TDRD12: variants seen among roughly 807,000 people sequenced by gnomAD.
TDRD12 encodes the protein putative ATP-dependent RNA helicase TDRD12.
Under a neutral mutation model 133.5 loss-of-function variants are expected in TDRD12, and 158 were observed. The observed-to-expected ratio is 1.18, with a 90% CI of 1.04 to 1.35. The LOEUF (loss-of-function observed/expected upper bound fraction) is 1.35. Among genes scored for constraint, TDRD12 ranks in the 40% most tolerant of loss-of-function variants. The pLI is 0.00. For missense variants in TDRD12, 1,443 were observed against 1,321.3 expected, an observed-to-expected ratio of 1.09 and a Z score of -1.43; for synonymous variants, 460 against 477.9, an observed-to-expected ratio of 0.96 and a Z score of 0.49.
intron 8 of TDRD12, among the ~76,000 whole-genome samples, chr19:32,771,997 A>G (rs570495193): frequency 1.8e-3 from 272 of 152,320 alleles, no homozygotes; most frequent in African/African-American, 6.2e-3. Flanking sequence ...CGGGTAAAAC[A>G]ACAGCCATTT....
intron 13 of TDRD12, among the ~76,000 whole-genome samples, chr19:32,792,707 G>A (rs762377091): frequency 6.6e-6 from 1 of 152,184 alleles, no homozygotes; most frequent in Admixed American, 6.5e-5. Context: ...AGAATTTCCA[G>A]ATTAAGAGGG....
intron 18 of TDRD12, 107 bp from the exon 19 acceptor site, chr19:32,801,649 C>A: frequency 2.5e-6 from 1 of 402,940 alleles, no homozygotes. Context: ...TGAGGTAGTG[C>A]CCTCACAGAT....
chr19:32,807,671 G>A, intron 22 of TDRD12, 23 bp downstream of exon 22: 1 of 1,455,292 alleles, frequency 6.9e-7, no homozygotes, highest in Non-Finnish European at 9.2e-7. Context: ...AAAGATGCTT[G>A]TGTCCTCTGA....
At chr19:32,798,170 A>G in intron 15 of TDRD12, 138 bp from the exon 16 acceptor site, 4 of 738,502 alleles carry the variant, frequency 5.4e-6, no homozygotes, top group Non-Finnish European at 6.5e-6. Flanking sequence ...GATGCTGGGC[A>G]TATGGGGTTG....
At position 32,818,175 on chromosome 19, in the gene TDRD12, A is replaced by G; in HGVS notation, c.3383+18A>G. 1 of 697,976 alleles carries G rather than the reference A, an allele frequency of 1.4e-6. No individual in the cohort carries two copies. Among genetic ancestry groups the G allele is most frequent in the Non-Finnish European group, 2.6e-6 (1 of 382,554 alleles). 43.2% of individuals were successfully genotyped at this position (697,976 alleles called of 1,614,324 possible). On this transcript the variant is annotated intron_variant, in intron 27 of 27. Coordinates refer to ENST00000444215, the Ensembl canonical transcript of TDRD12. ...GGGCAGGGGTGAGTAAGAACACCAC[A>G]GAGCTTCCTCCCAGAATGCCAGGGA... is the stretch of plus-strand genomic sequence containing the variant.
At chr19:32,808,732 A>C (rs1966900442) in intron 22 of TDRD12, among the ~76,000 whole-genome samples, 1 of 152,090 alleles carries the variant, frequency 6.6e-6, no homozygotes, top group South Asian at 2.1e-4. Flanking sequence ...AAAATTTCTA[A>C]CTCTTTCCTG....
chr19:32,814,236 A>G (rs1967101093), intron 25 of TDRD12, among the ~76,000 whole-genome samples: 2 of 150,908 alleles, frequency 1.3e-5, no homozygotes, highest in African/African-American at 4.9e-5. Context: ...GGAAAGGGGG[A>G]GGGGAGGACA....
At chr19:32,781,808 A>G (rs1331401084) in intron 11 of TDRD12, among the ~76,000 whole-genome samples, 1 of 151,502 alleles carries the variant, frequency 6.6e-6, no homozygotes, top group Non-Finnish European at 1.5e-5. Flanking sequence ...CATTCAGTGG[A>G]CACTTCCAGT....
rs944828270 is a variant in TDRD12 at position 32,807,644 on chromosome 19, TTAAAG to T, written c.2651_2652+3del. 2 of 1,522,710 alleles carry T rather than the reference TTAAAG, an allele frequency of 1.3e-6. No homozygotes were observed. The highest frequency in any genetic ancestry group is 2.8e-5 in the African/African-American group (2 of 72,356). The allele number at this position is 1,522,710 out of a possible 1,614,324, so 94.3% of individuals were successfully genotyped here. On this transcript the variant is annotated splice_donor_variant and coding_sequence_variant, in exon 22 of 28. Transcript: ENST00000444215. LOFTEE classifies it high-confidence loss of function. ...CAAGCCCTACCTTCATTTGGATACA[TTAAAG>T]TAGGTTTGGTTAAAGATGCTTGTGT...
intron 1 of TDRD12, among the ~76,000 whole-genome samples, chr19:32,726,080 A>G (rs544464868): frequency 1.2e-3 from 179 of 151,790 alleles, no homozygotes; most frequent in Middle Eastern, 3.4e-3. Context: ...AAATACATTC[A>G]TAATTTTTTT....
At chr19:32,818,892 G>A (rs1171342637) in intron 27 of TDRD12, among the ~76,000 whole-genome samples, 1 of 152,190 alleles carries the variant, frequency 6.6e-6, no homozygotes, top group Admixed American at 6.5e-5. Flanking sequence ...TGCTGGACTA[G>A]TGGGCTGCTG....
chr19:32,753,097 A>C (rs1418286692), intron 6 of TDRD12, among the ~76,000 whole-genome samples: 1 of 152,096 alleles, frequency 6.6e-6, no homozygotes, highest in African/African-American at 2.4e-5. Context: ...CGGCCACTGG[A>C]ATCAGCCACT....
chr19:32,787,389 TGAG>T (rs1429012584), intron 11 of TDRD12, among the ~76,000 whole-genome samples: 3 of 152,302 alleles, frequency 2.0e-5, no homozygotes, highest in East Asian at 1.9e-4. Context: ...GAGACCCACT[TGAG>T]GAGGCAGTCT....
chr19:32,785,254 A>G lies in TDRD12; in HGVS notation c.1122-5277A>G, dbSNP rs144522588. Among the ~76,000 whole-genome samples the G allele has an allele frequency of 4.4e-3, 676 of 152,284 alleles. 5 individuals carry two copies. The highest frequency in any genetic ancestry group is 0.015 in the African/African-American group (641 of 41,550). ...TTCAGGAGCAGGTTGTTCAGCTTCC[A>G]TGTAGTTGTGCGGTTTTGAGTGAGA... is the stretch of plus-strand genomic sequence containing the variant. On this transcript the variant is annotated intron_variant, in intron 11 of 27. Coordinates refer to ENST00000444215, the Ensembl canonical transcript of TDRD12.
At chr19:32,817,525 T>C (rs979111865) in intron 26 of TDRD12, among the ~76,000 whole-genome samples, 7 of 152,132 alleles carry the variant, frequency 4.6e-5, no homozygotes, top group Non-Finnish European at 1.0e-4. Context: ...ACACCTGGGC[T>C]GCTGCCCCTC....
At chr19:32,811,323 A>C in exon 24 of TDRD12, 2 of 1,536,128 alleles carry the variant, frequency 1.3e-6, no homozygotes, top group Non-Finnish European at 1.7e-6. Flanking sequence ...CAGCTGCTGC[A>C]TCTCCCAGAA....
intron 11 of TDRD12, among the ~76,000 whole-genome samples, chr19:32,780,084 C>CTTTTTTTT (rs11395360): frequency 2.3e-5 from 3 of 127,776 alleles, no homozygotes; most frequent in African/African-American, 5.9e-5. Flanking sequence ...TTTTTCTTTT[C>CTTTTTTTT]TTTTTTTTTT....
chr19:32,788,383 A>T (rs1970971650), intron 11 of TDRD12, among the ~76,000 whole-genome samples: 1 of 152,114 alleles, frequency 6.6e-6, no homozygotes, highest in Non-Finnish European at 1.5e-5. Context: ...AAAGGCTGGG[A>T]TTATAGGTGT....
At chr19:32,742,529 A>G (rs1409747660) in intron 3 of TDRD12, among the ~76,000 whole-genome samples, 2 of 152,162 alleles carry the variant, frequency 1.3e-5, no homozygotes, top group East Asian at 3.8e-4. Context: ...TTTCACTGAT[A>G]CACTATCTAT....
Sources: gnomAD v4.1 joint callset for allele counts (sites outside exome capture counted in the v4.1 genomes callset) on GRCh38, gnomAD v4.1.1 for gene constraint, MANE v1.5 for transcripts, NCBI Gene and HGNC (gene_info 2026-07-23, HGNC 2026-07-21) for gene names.